SRGAP3: variants seen among roughly 807,000 people sequenced by gnomAD.
SRGAP3 encodes SLIT-ROBO Rho GTPase activating protein 3.
In SRGAP3, 39 loss-of-function variants were observed where a neutral mutation model predicts 121.1. The observed-to-expected ratio is 0.32, with a 90% CI of 0.25 to 0.42. SRGAP3 has a LOEUF of 0.42. SRGAP3 is among the 10% of genes least tolerant of loss of function. The pLI, the probability that SRGAP3 is intolerant of heterozygous loss-of-function variation, is 1.00. For missense variants in SRGAP3, 1,213 were observed against 1,470.6 expected (o/e 0.82, Z 2.86); for synonymous variants, 601 against 570.0 (o/e 1.05, Z -0.77).
At chr3:8,988,692 T>C (rs1384191184) in intron 21 of SRGAP3, among the ~76,000 whole-genome samples, 2 of 152,154 alleles carry the variant, frequency 1.3e-5, no homozygotes, top group Non-Finnish European at 2.9e-5. Context: ...CCAACCTTTT[T>C]GGCACCAGGG....
intron 3 of SRGAP3, among the ~76,000 whole-genome samples, chr3:9,312,268 C>T (rs1184766492): frequency 6.6e-6 from 1 of 152,188 alleles, no homozygotes; most frequent in African/African-American, 2.4e-5. Flanking sequence ...GATTCTCCCA[C>T]CTCAGCCTCC....
intron 2 of SRGAP3, among the ~76,000 whole-genome samples, chr3:9,107,466 G>A (rs561152582): frequency 1.3e-5 from 2 of 152,310 alleles, no homozygotes; most frequent in South Asian, 2.1e-4. Context: ...GGGCCTGGAC[G>A]CTTTTCCCTC....
chr3:9,078,409 G>A (rs779468323), intron 4 of SRGAP3, among the ~76,000 whole-genome samples: 6 of 152,048 alleles, frequency 3.9e-5, no homozygotes, highest in Admixed American at 6.6e-5. Flanking sequence ...TTCTGAGCAC[G>A]ACAATCCCAT....
At chr3:9,093,087 G>A (rs1036525876) in intron 3 of SRGAP3, among the ~76,000 whole-genome samples, 11 of 152,156 alleles carry the variant, frequency 7.2e-5, no homozygotes, top group African/African-American at 2.7e-4. Flanking sequence ...CAGTATCTAT[G>A]AAAACCTGAA....
chr3:9,047,292 T>C (rs1945336064), intron 10 of SRGAP3, 99 bp downstream of exon 10: 1 of 1,253,172 alleles, frequency 8.0e-7, no homozygotes. Context: ...GCCAGGTGCC[T>C]GCTGTCTCAA....
intron 1 of SRGAP3, among the ~76,000 whole-genome samples, chr3:9,152,042 A>G (rs1441518474): frequency 6.6e-6 from 1 of 152,114 alleles, no homozygotes; most frequent in Non-Finnish European, 1.5e-5. Context: ...TGTCTTATTT[A>G]TTTCTGCACA....
At chr3:9,082,166 G>A (rs1947278713) in intron 3 of SRGAP3, among the ~76,000 whole-genome samples, 1 of 152,182 alleles carries the variant, frequency 6.6e-6, no homozygotes, top group Non-Finnish European at 1.5e-5. Context: ...CTCCTGCCTT[G>A]TGAAATGCCT....
At chr3:9,197,415 T>G (rs569647343) in intron 1 of SRGAP3, among the ~76,000 whole-genome samples, 2 of 152,380 alleles carry the variant, frequency 1.3e-5, no homozygotes, top group South Asian at 4.1e-4. Context: ...TCCAGCCTCC[T>G]TTCTTAATCG....
At chr3:8,995,621 G>T (rs372954485) in intron 18 of SRGAP3, among the ~76,000 whole-genome samples, 1 of 152,190 alleles carries the variant, frequency 6.6e-6, no homozygotes, top group African/African-American at 2.4e-5. Flanking sequence ...AAGAGACGTT[G>T]AACTGCAGAG....
Position 8,985,319 on chromosome 3 carries a change from C to T in SRGAP3, c.*200G>A, listed in dbSNP as rs1038200199. The T allele has an allele frequency of 3.3e-5, 40 of 1,198,008 alleles. No homozygotes were observed. Among genetic ancestry groups the T allele is most frequent in the Non-Finnish European group, 6.7e-6 (6 of 896,976 alleles). 74.2% of individuals were successfully genotyped at this position (1,198,008 alleles called of 1,614,324 possible). On this transcript the variant is annotated 3_prime_UTR_variant, in exon 22 of 22. Coordinates refer to ENST00000383836, the MANE Select transcript of SRGAP3 (RefSeq NM_014850.4). This position sits in a 1 kb window ranked among gnomAD's most constrained non-coding sequence, Gnocchi z 5.1. ...GCACTCCTCTGGTCGTCTGTTGACA[C>T]GCGAGAGGTCCGTGGGATTCCCATG...
chr3:9,020,447 G>A (rs900317916), intron 14 of SRGAP3, among the ~76,000 whole-genome samples: 2 of 152,030 alleles, frequency 1.3e-5, no homozygotes, highest in Non-Finnish European at 2.9e-5. Context: ...GCAGCCTAAG[G>A]AATTCAAAAA....
intron 3 of SRGAP3, among the ~76,000 whole-genome samples, chr3:9,093,092 C>A (rs1329558118): frequency 1.3e-5 from 2 of 152,076 alleles, no homozygotes; most frequent in Non-Finnish European, 2.9e-5. Context: ...TCTATGAAAA[C>A]CTGAAGCTGC....
intron 10 of SRGAP3, among the ~76,000 whole-genome samples, chr3:9,042,420 T>C (rs1463099446): frequency 7.1e-6 from 1 of 141,278 alleles, no homozygotes; most frequent in Non-Finnish European, 1.5e-5. Flanking sequence ...GAAGAAAGAA[T>C]CGAGCATTTT....
Position 9,013,814 on chromosome 3 carries a change from G to C in SRGAP3, c.1842C>G (p.His614Gln), listed in dbSNP as rs1225720679. Residue 614 changes from histidine to glutamine, a missense_variant, in exon 16 of 22, where the codon CAC (histidine) becomes CAG (glutamine). This residue lies in a region of SRGAP3 where 793 missense variants were observed against 1,032.9 expected (regional missense o/e 0.77). Transcript: ENST00000383836. ...GGGTGACGAGGATTTGTTGGATCTG[G>C]TGCACCCTCTCGGCTGGGTTCTCCA... is the stretch of plus-strand genomic sequence containing the variant. Reference protein sequence around the residue: ...IKLENPAERVHQIQQILVTLP... With the variant: ...IKLENPAERVQQIQQILVTLP... 6.2e-7 allele frequency: 1 copy of C among 1,614,210 alleles called. No homozygotes were observed. Among genetic ancestry groups the C allele is most frequent in the Non-Finnish European group, 8.5e-7 (1 of 1,180,030 alleles).
chr3:8,989,651 T>C (rs753371116), intron 21 of SRGAP3, among the ~76,000 whole-genome samples: 2 of 151,974 alleles, frequency 1.3e-5, no homozygotes, highest in Non-Finnish European at 2.9e-5. Context: ...ACAAAAAAAA[T>C]GGAAACTTCT....
chr3:9,061,266 C>G (rs755285507), intron 5 of SRGAP3, among the ~76,000 whole-genome samples: 1 of 152,136 alleles, frequency 6.6e-6, no homozygotes, highest in Non-Finnish European at 1.5e-5. Context: ...TACCCAGCAC[C>G]CTCCAGTGAT....
At chr3:9,303,267 G>C (rs11131165) in intron 3 of SRGAP3, among the ~76,000 whole-genome samples, 1 of 151,962 alleles carries the variant, frequency 6.6e-6, no homozygotes, top group Non-Finnish European at 1.5e-5. Context: ...TCTACTAAAA[G>C]TACGCAAATT....
chr3:9,203,281 G>A (rs1952131223), intron 1 of SRGAP3, among the ~76,000 whole-genome samples: 2 of 152,160 alleles, frequency 1.3e-5, no homozygotes, highest in Non-Finnish European at 2.9e-5. Context: ...ATCACCCTGA[G>A]CCTTGAACTT....
chr3:9,345,785 CAAAAAAAAAAAA>C (rs34225108), intron 1 of SRGAP3, among the ~76,000 whole-genome samples: 3 of 65,272 alleles, frequency 4.6e-5, no homozygotes, highest in African/African-American at 1.0e-4. Flanking sequence ...GACTCCAACT[CAAAAAAAAAAAA>C]AAAAAAAGAA....
Sources: gnomAD v4.1 joint callset for allele counts (sites outside exome capture counted in the v4.1 genomes callset) on GRCh38, gnomAD v4.1.1 for gene constraint, gnomAD v4.1.1 regional missense constraint, Gnocchi (gnomAD v3.1) non-coding constraint, MANE v1.5 for transcripts, NCBI Gene and HGNC (gene_info 2026-07-23, HGNC 2026-07-21) for gene names.